ARHGAP26: variants seen among roughly 807,000 people sequenced by gnomAD.
ARHGAP26 encodes the protein rho GTPase-activating protein 26.
Under a neutral mutation model 104.8 loss-of-function variants are expected in ARHGAP26, and 38 were observed. That is an observed-to-expected ratio of 0.36 (90% CI 0.28 to 0.48). The LOEUF is 0.48. Among genes scored for constraint, ARHGAP26 ranks in the 20% least tolerant of loss-of-function variants. The pLI is 0.99. For missense variants in ARHGAP26, 704 were observed against 947.9 expected (o/e 0.74, Z 3.38); for synonymous variants, 341 against 340.0 (o/e 1.00, Z -0.03).
intron 14 of ARHGAP26, among the ~76,000 whole-genome samples, chr5:143,048,791 G>C (rs1019961207): frequency 6.6e-6 from 1 of 151,538 alleles, no homozygotes; most frequent in African/African-American, 2.4e-5. Flanking sequence ...GTGCACATCT[G>C]TAGTCCCAGC....
chr5:142,857,151 A>T (rs1752490222), intron 1 of ARHGAP26, among the ~76,000 whole-genome samples: 1 of 152,154 alleles, frequency 6.6e-6, no homozygotes, highest in African/African-American at 2.4e-5. Context: ...CAAGGACACT[A>T]GTCATTGGAT....
chr5:143,096,899 G>A (rs1287686768), intron 17 of ARHGAP26, among the ~76,000 whole-genome samples: 3 of 152,126 alleles, frequency 2.0e-5, no homozygotes, highest in Non-Finnish European at 4.4e-5. Context: ...TCACAAAATA[G>A]CTTTGTATGG....
At chr5:142,886,576 G>A (rs1035471788) in intron 5 of ARHGAP26, among the ~76,000 whole-genome samples, 3 of 152,194 alleles carry the variant, frequency 2.0e-5, no homozygotes, top group African/African-American at 7.2e-5. Context: ...TTTGGTGTGT[G>A]CTTTACAAAG....
intron 12 of ARHGAP26, among the ~76,000 whole-genome samples, chr5:143,029,655 C>T (rs527853044): frequency 5.9e-5 from 9 of 152,118 alleles, no homozygotes; most frequent in Non-Finnish European, 8.8e-5. Context: ...GCGATCTTCT[C>T]GCCTCATCCT....
rs150867367 is a variant in ARHGAP26 at position 143,166,619 on chromosome 5, A to T, written c.1988+19238A>T. 2.5e-3 allele frequency among the ~76,000 whole-genome samples: 386 copies of T among 152,280 alleles called. 3 individuals carry two copies. Among genetic ancestry groups the T allele is most frequent in the East Asian group, 0.02 (104 of 5,176 alleles). Reference sequence around the variant, plus strand: ...GACCCCTGACAGCCCCAGTGCTTTCATAGCCTCATTCTCCTTAGAATTTCA... The same window carrying T: ...GACCCCTGACAGCCCCAGTGCTTTCTTAGCCTCATTCTCCTTAGAATTTCA... On this transcript the variant is annotated intron_variant, in intron 20 of 22. Transcript: ENST00000645722.
At chr5:143,143,458 C>A (rs1377902454) in intron 19 of ARHGAP26, among the ~76,000 whole-genome samples, 2 of 152,298 alleles carry the variant, frequency 1.3e-5, no homozygotes, top group South Asian at 2.1e-4. Flanking sequence ...CTGCGGCTTT[C>A]CTTTTTTAGT....
rs182929335 is a variant in ARHGAP26, at chr5:143,051,502, G to A, written c.1286-2937G>A. On this transcript the variant is annotated intron_variant, in intron 14 of 22. Coordinates refer to ENST00000645722, the MANE Select transcript of ARHGAP26 (RefSeq NM_001135608.3). ...AGTTCTAAAGAAGAGTGTAAATGAC[G>A]TCTCTGTGGCATATTCAGATGCCAT... 6.5e-4 allele frequency among the ~76,000 whole-genome samples: 99 copies of A among 152,312 alleles called. 3 individuals carry two copies. In the East Asian group the frequency reaches 0.014, roughly 22 times the overall value.
intron 17 of ARHGAP26, among the ~76,000 whole-genome samples, chr5:143,084,687 A>G (rs1450151262): frequency 6.6e-6 from 1 of 152,076 alleles, no homozygotes; most frequent in East Asian, 1.9e-4. Context: ...TTTGGGAATA[A>G]CCAGCTGCTT....
At chr5:143,016,186 T>G (rs1292326400) in intron 12 of ARHGAP26, among the ~76,000 whole-genome samples, 1 of 152,182 alleles carries the variant, frequency 6.6e-6, no homozygotes, top group East Asian at 1.9e-4. Flanking sequence ...TTTAAAAAAA[T>G]TAGGCTATAG....
chr5:142,890,136 TAAAAAAA>T (rs1162535877), intron 5 of ARHGAP26, among the ~76,000 whole-genome samples: 25 of 29,192 alleles, frequency 8.6e-4, no homozygotes, highest in South Asian at 3.0e-3. Context: ...AACTCCGTCT[TAAAAAAA>T]AAAAAAAAAT....
At chr5:142,939,967 G>C (rs774157938) in intron 11 of ARHGAP26, among the ~76,000 whole-genome samples, 54 of 152,220 alleles carry the variant, frequency 3.5e-4, no homozygotes, top group Non-Finnish European at 5.6e-4. Flanking sequence ...GATTCACTTA[G>C]CTCAAGTCAC....
chr5:143,131,280 A>G (rs1213839183), intron 18 of ARHGAP26, among the ~76,000 whole-genome samples: 1 of 152,170 alleles, frequency 6.6e-6, no homozygotes, highest in Non-Finnish European at 1.5e-5. Context: ...TCCAGCATTT[A>G]CTACAGTTCT....
intron 20 of ARHGAP26, among the ~76,000 whole-genome samples, chr5:143,180,440 A>T (rs745387503): frequency 6.6e-6 from 1 of 152,134 alleles, no homozygotes; most frequent in Non-Finnish European, 1.5e-5. Context: ...ACTCCAGTTG[A>T]TCTTGTCCCT....
intron 20 of ARHGAP26, chr5:143,168,465 T>TTTTTTTTTTTTTTTTTTTTTTTTTC (rs1802336965): frequency 6.9e-6 from 1 of 144,312 alleles, no homozygotes. Context: ...TTTTTTTTTT[T>TTTTTTTTTTTTTTTTTTTTTTTTTC]TTTTTTTTTT....
At chr5:142,772,137 A>C (rs942774562) in intron 1 of ARHGAP26, among the ~76,000 whole-genome samples, 2 of 152,226 alleles carry the variant, frequency 1.3e-5, no homozygotes. Context: ...AAGGGCACTT[A>C]CAAAAGTCAG....
In ARHGAP26 at chr5:142,891,020, A is replaced by T. The variant is rs143675124; in HGVS notation, c.487-3218A>T. 7.0e-4 allele frequency among the ~76,000 whole-genome samples: 106 copies of T among 152,148 alleles called. 4 individuals are homozygous for T. The highest frequency in any genetic ancestry group is 2.3e-3 in the African/African-American group (95 of 41,450). On this transcript the variant is annotated intron_variant, in intron 5 of 22. Coordinates refer to ENST00000645722, the MANE Select transcript of ARHGAP26 (RefSeq NM_001135608.3). ...TCTCCTGTTTTCCCCCTCCACTTGC[A>T]GTGTCAGTTGGCAAGCCCAGGCAGA...
intron 20 of ARHGAP26, among the ~76,000 whole-genome samples, chr5:143,163,939 T>TC (rs1801596896): frequency 6.6e-6 from 1 of 152,086 alleles, no homozygotes; most frequent in Non-Finnish European, 1.5e-5. Flanking sequence ...GGAAAAAATA[T>TC]CACAAAGAAT....
At chr5:143,008,005 C>T (rs903021713) in intron 11 of ARHGAP26, among the ~76,000 whole-genome samples, 1 of 152,214 alleles carries the variant, frequency 6.6e-6, no homozygotes, top group Non-Finnish European at 1.5e-5. Context: ...ATAGGGGATA[C>T]ATTTCCATCA....
chr5:142,913,188 G>A lies in ARHGAP26; in HGVS notation c.934-11G>A. On this transcript the variant is annotated splice_polypyrimidine_tract_variant and intron_variant, in intron 9 of 22. Coordinates refer to ENST00000645722, the MANE Select transcript of ARHGAP26 (RefSeq NM_001135608.3). Reference sequence around the variant, plus strand: ...CTGGCCTCATCTTGATAGTCTGTGTGTTCCCACTAGGGAGAAGATGAATCA... The same window carrying A: ...CTGGCCTCATCTTGATAGTCTGTGTATTCCCACTAGGGAGAAGATGAATCA... 4 of 1,612,366 alleles carry A rather than the reference G, an allele frequency of 2.5e-6. No individual in the cohort carries two copies. The highest frequency in any genetic ancestry group is 3.4e-6 in the Non-Finnish European group (4 of 1,178,396).
Sources: allele counts gnomAD v4.1 joint callset (sites outside exome capture counted in the v4.1 genomes callset), GRCh38; gene constraint gnomAD v4.1.1; transcripts MANE v1.5; gene names NCBI Gene and HGNC (gene_info 2026-07-23, HGNC 2026-07-21).